Variants in FBXW11 observed in about 807,000 individuals in gnomAD.
FBXW11 encodes the protein F-box and WD repeat domain containing 11, also known as F-box/WD repeat-containing protein 11.
Under a neutral mutation model 77.6 loss-of-function variants are expected in FBXW11, and 19 were observed. That is an observed-to-expected ratio of 0.24 (90% CI 0.17 to 0.36). The LOEUF (loss-of-function observed/expected upper bound fraction) is 0.36. FBXW11 is among the 10% of genes least tolerant of loss of function. FBXW11 has a pLI of 1.00. For synonymous variants in FBXW11, 235 were observed against 249.4 expected, an observed-to-expected ratio of 0.94 and a Z score of 0.54; for missense variants, 334 against 704.2, an observed-to-expected ratio of 0.47 and a Z score of 5.95.
At chr5:171,878,619 T>TGAGAGAGAGAGAGAGAGAGA (rs1758295148) in intron 7 of FBXW11, among the ~76,000 whole-genome samples, 1 of 149,970 alleles carries the variant, frequency 6.7e-6, no homozygotes, top group African/African-American at 2.5e-5. Flanking sequence ...TGTGTGTGTG[T>TGAGAGAGAGAGAGAGAGAGA]GTGTGTGTGT....
chr5:171,969,164 A>T (rs1490184347), intron 1 of FBXW11, among the ~76,000 whole-genome samples: 1 of 152,162 alleles, frequency 6.6e-6, no homozygotes, highest in Non-Finnish European at 1.5e-5. Context: ...GGTGCTCAGG[A>T]GTCTGAGCCA....
intron 2 of FBXW11, among the ~76,000 whole-genome samples, chr5:171,954,074 C>T (rs1475811321): frequency 6.6e-6 from 1 of 152,220 alleles, no homozygotes; most frequent in Admixed American, 6.5e-5. Flanking sequence ...AAAGGCTTAT[C>T]ACTAACACTC....
chr5:171,898,258 T>C (rs1759881971), intron 6 of FBXW11, among the ~76,000 whole-genome samples: 1 of 152,182 alleles, frequency 6.6e-6, no homozygotes, highest in Admixed American at 6.5e-5. Context: ...TGAGTATAAC[T>C]TTATGGGTGA....
chr5:171,994,900 T>C (rs1434733661), intron 1 of FBXW11, among the ~76,000 whole-genome samples: 1 of 152,142 alleles, frequency 6.6e-6, no homozygotes, highest in Non-Finnish European at 1.5e-5. Flanking sequence ...TAGCTGGGCA[T>C]GGTGGCACGC....
At chr5:171,895,100 C>A (rs1026282689) in intron 6 of FBXW11, among the ~76,000 whole-genome samples, 2 of 152,142 alleles carry the variant, frequency 1.3e-5, no homozygotes, top group Admixed American at 1.3e-4. Flanking sequence ...TACCTTAATG[C>A]CAGCAGCAGG....
intron 1 of FBXW11, among the ~76,000 whole-genome samples, chr5:172,004,280 C>T (rs1193607362): frequency 6.6e-6 from 1 of 152,158 alleles, no homozygotes; most frequent in Non-Finnish European, 1.5e-5. Flanking sequence ...TAACTGATAT[C>T]CCTTTCAGGA....
At chr5:171,925,760 C>T (rs901853946) in intron 2 of FBXW11, among the ~76,000 whole-genome samples, 9 of 152,172 alleles carry the variant, frequency 5.9e-5, no homozygotes, top group African/African-American at 2.2e-4. Context: ...ACTGATTTTC[C>T]AGTCATGTAG....
intron 1 of FBXW11, 91 bp from the exon 2 acceptor site, chr5:171,957,789 G>C (rs375321320): frequency 1.9e-6 from 2 of 1,080,168 alleles, no homozygotes; most frequent in Non-Finnish European, 2.9e-6. Flanking sequence ...TGTTAGTTGG[G>C]GCAGGGGGTG....
At chr5:171,969,360 C>T (rs1275406455) in intron 1 of FBXW11, among the ~76,000 whole-genome samples, 2 of 152,218 alleles carry the variant, frequency 1.3e-5, no homozygotes, top group African/African-American at 2.4e-5. Context: ...AGAGATACCA[C>T]TTTCTGGAAG....
intron 2 of FBXW11, among the ~76,000 whole-genome samples, chr5:171,920,167 A>T (rs1761509088): frequency 6.6e-6 from 1 of 152,090 alleles, no homozygotes; most frequent in South Asian, 2.1e-4. Flanking sequence ...TGTCTCAAAA[A>T]ACAAAAAAAA....
chr5:171,970,960 C>A (rs1192180078), intron 1 of FBXW11, among the ~76,000 whole-genome samples: 1 of 152,192 alleles, frequency 6.6e-6, no homozygotes, highest in Non-Finnish European at 1.5e-5. Context: ...CTGCTTGCTG[C>A]ACAGCAAGGA....
chr5:171,988,332 A>AAAAC (rs141549054), intron 1 of FBXW11, among the ~76,000 whole-genome samples: 2 of 152,230 alleles, frequency 1.3e-5, no homozygotes, highest in South Asian at 4.2e-4. Flanking sequence ...AAGCCAAGGG[A>AAAAC]AAACAAACAA....
chr5:171,958,732 C>T (rs1230278441), intron 1 of FBXW11, among the ~76,000 whole-genome samples: 1 of 152,164 alleles, frequency 6.6e-6, no homozygotes, highest in African/African-American at 2.4e-5. Flanking sequence ...CCATACTGTT[C>T]AATCATTCAG....
Position 171,893,421 on chromosome 5 carries a change from C to CAAAAAAAAAAAAAAAAAAAAAAAAAA in FBXW11, c.715-1843_715-1818dup, listed in dbSNP as rs397999920. 6.8e-4 allele frequency among the ~76,000 whole-genome samples: 27 copies of CAAAAAAAAAAAAAAAAAAAAAAAAAA among 39,840 alleles called. 10 individuals are homozygous for CAAAAAAAAAAAAAAAAAAAAAAAAAA. Among genetic ancestry groups the CAAAAAAAAAAAAAAAAAAAAAAAAAA allele is most frequent in the Non-Finnish European group, 8.5e-4 (19 of 22,468 alleles). The allele number at this position is 39,840 out of a possible 152,430, so 26.1% of individuals were successfully genotyped here. A position where few individuals can be genotyped will look rare whatever the true frequency, so the allele number is the denominator to read the frequency against. On this transcript the variant is annotated intron_variant, in intron 6 of 13. Coordinates refer to ENST00000517395, the MANE Select transcript of FBXW11 (RefSeq NM_001378974.1). Reference sequence around the variant, plus strand: ...GACATACAAAAGCACACTTCAAAACCAAAAAAAAAAAAAAAAAAAAAAAAA... The same window carrying CAAAAAAAAAAAAAAAAAAAAAAAAAA: ...GACATACAAAAGCACACTTCAAAACCAAAAAAAAAAAAAAAAAAAAAAAAAAAAAAAAAAAAAAAAAAAAAAAAAAA...
At chr5:171,997,177 C>T (rs1390400316) in intron 1 of FBXW11, 1 of 675,082 alleles carries the variant, frequency 1.5e-6, no homozygotes. Flanking sequence ...AGTTATAACC[C>T]CTGAGTCAGC....
chr5:171,903,026 T>G (rs1760244522), intron 4 of FBXW11, among the ~76,000 whole-genome samples: 1 of 152,222 alleles, frequency 6.6e-6, no homozygotes, highest in South Asian at 2.1e-4. Flanking sequence ...AGTTAATTAT[T>G]TTGTTTTCAA....
At chr5:171,957,506 T>TTAACATTGGA (rs1209551959) in intron 2 of FBXW11, 91 bp downstream of exon 2, 1 of 1,180,818 alleles carries the variant, frequency 8.5e-7, no homozygotes, top group Non-Finnish European at 1.3e-6. Flanking sequence ...TTTAGCAGAC[T>TTAACATTGGA]TAACATTGGA....
intron 6 of FBXW11, among the ~76,000 whole-genome samples, chr5:171,894,052 G>T (rs956582148): frequency 6.6e-6 from 1 of 152,100 alleles, no homozygotes; most frequent in Non-Finnish European, 1.5e-5. Flanking sequence ...ATGTTTCCTA[G>T]AAGTGGGTGA....
At chr5:171,905,596 C>CT (rs1048537720) in intron 4 of FBXW11, among the ~76,000 whole-genome samples, 1 of 102,148 alleles carries the variant, frequency 9.8e-6, no homozygotes, top group Admixed American at 9.5e-5. Flanking sequence ...CTAACCCCCC[C>CT]CCCTTTATTT....
Sources: gnomAD v4.1 joint callset for allele counts (sites outside exome capture counted in the v4.1 genomes callset) on GRCh38, gnomAD v4.1.1 for gene constraint, MANE v1.5 for transcripts, NCBI Gene and HGNC (gene_info 2026-07-23, HGNC 2026-07-21) for gene names.